Variants in CAPS2 observed in about 807,000 individuals in gnomAD.
The protein encoded by CAPS2 is calcyphosin-2.
Under a neutral mutation model 86.5 loss-of-function variants are expected in CAPS2, and 98 were observed. The ratio of observed to expected loss-of-function variants is 1.13; its 90% CI spans 0.96 to 1.34. The LOEUF (loss-of-function observed/expected upper bound fraction) is 1.34, where lower values mean the gene tolerates loss of function less well. Among genes scored for constraint, CAPS2 ranks in the 40% most tolerant of loss-of-function variants. The probability of loss-of-function intolerance (pLI) is 0.00; values close to 1 mark genes in which losing one functional copy is unlikely to be tolerated. For synonymous variants in CAPS2, 210 were observed against 225.1 expected, an observed-to-expected ratio of 0.93 and a Z score of 0.60; for missense variants, 729 against 686.8, an observed-to-expected ratio of 1.06 and a Z score of -0.69.
In CAPS2 at chr12:75,323,258, A is replaced by T. The variant is rs540150080; in HGVS notation, c.132-36T>A. ...TAATCTATGTATCCCGTAACTTTTT[A>T]ACATGAAACTTTAATAAATGCAAAT... On this transcript the variant is annotated intron_variant, in intron 2 of 16. Transcript: ENST00000393284. The T allele has an allele frequency of 7.2e-5, 107 of 1,490,940 alleles. No homozygotes were observed. The African/African-American group carries it at 1.2e-3, about 16-fold the overall frequency. 92.4% of individuals were successfully genotyped at this position (1,490,940 alleles called of 1,614,324 possible). A position where few individuals can be genotyped will look rare whatever the true frequency, so the allele number is the denominator to read the frequency against.
intron 1 of CAPS2, among the ~76,000 whole-genome samples, chr12:75,336,628 A>C (rs2041756109): frequency 6.6e-6 from 1 of 151,814 alleles, no homozygotes; most frequent in African/African-American, 2.4e-5. Flanking sequence ...AATACAAATA[A>C]ATGTAATAAT....
intron 1 of CAPS2, among the ~76,000 whole-genome samples, chr12:75,350,970 T>C (rs2042771452): frequency 6.6e-6 from 1 of 152,192 alleles, no homozygotes; most frequent in South Asian, 2.1e-4. Flanking sequence ...ACAGGAGCTG[T>C]TAACCAGAAT....
chr12:75,387,754 A>G (rs1341559684), intron 1 of CAPS2, among the ~76,000 whole-genome samples: 1 of 152,144 alleles, frequency 6.6e-6, no homozygotes, highest in African/African-American at 2.4e-5. Context: ...TTAATCTACG[A>G]ATGGATCAAT....
intron 13 of CAPS2, among the ~76,000 whole-genome samples, chr12:75,290,000 G>C (rs188001979): frequency 2.6e-5 from 4 of 152,302 alleles, no homozygotes; most frequent in African/African-American, 9.6e-5. Flanking sequence ...TAGCACCACT[G>C]TGTGGTGGAA....
At chr12:75,367,102 A>G in intron 1 of CAPS2, 2 of 691,106 alleles carry the variant, frequency 2.9e-6, no homozygotes, top group South Asian at 3.0e-5. Flanking sequence ...TTGGGGAGAA[A>G]ACGTAATGGA....
chr12:75,292,902 C>A (rs575140873), intron 12 of CAPS2, among the ~76,000 whole-genome samples: 2 of 150,830 alleles, frequency 1.3e-5, no homozygotes, highest in Non-Finnish European at 3.0e-5. Context: ...ATCATAATAA[C>A]AATGTGAAAA....
chr12:75,379,855 A>T (rs2044864158), intron 1 of CAPS2, among the ~76,000 whole-genome samples: 1 of 29,800 alleles, frequency 3.4e-5, no homozygotes, highest in Admixed American at 3.7e-4. Flanking sequence ...CCTATCAGTA[A>T]AAAAAAAAAA....
chr12:75,330,035 T>C (rs1284953045), upstream of CAPS2: 1 of 511,596 alleles, frequency 2.0e-6, no homozygotes, highest in Non-Finnish European at 3.4e-6. Flanking sequence ...CAGGACAGTC[T>C]AGACAGTCCA....
chr12:75,386,861 G>GAA (rs71438896), intron 1 of CAPS2, among the ~76,000 whole-genome samples: 2 of 149,858 alleles, frequency 1.3e-5, no homozygotes, highest in Admixed American at 6.7e-5. Flanking sequence ...CCATATACAA[G>GAA]AAAAAAAAAC....
chr12:75,372,042 G>A (rs2044391913), intron 1 of CAPS2, among the ~76,000 whole-genome samples: 2 of 152,030 alleles, frequency 1.3e-5, no homozygotes, highest in Admixed American at 6.5e-5. Flanking sequence ...TTTTTGAGAC[G>A]GAGTCTCTGT....
chr12:75,310,620 G>T (rs1303656207), intron 7 of CAPS2, among the ~76,000 whole-genome samples: 2 of 152,076 alleles, frequency 1.3e-5, no homozygotes, highest in Non-Finnish European at 2.9e-5. Flanking sequence ...TCCTTGCTAT[G>T]GCCTCATTAA....
intron 8 of CAPS2, among the ~76,000 whole-genome samples, chr12:75,304,367 T>G (rs1441243837): frequency 6.6e-6 from 1 of 152,182 alleles, no homozygotes; most frequent in African/African-American, 2.4e-5. Flanking sequence ...AATTCTAAGG[T>G]TGAAAAAGCT....
chr12:75,335,005 T>G, upstream of CAPS2: 1 of 1,144,048 alleles, frequency 8.7e-7, no homozygotes, highest in Non-Finnish European at 1.2e-6. Flanking sequence ...ATCCGGACTT[T>G]ACATATATGC....
intron 1 of CAPS2, chr12:75,371,324 T>G (rs776188315): frequency 3.5e-4 from 60 of 171,406 alleles, no homozygotes; most frequent in Non-Finnish European, 5.9e-4. Context: ...GCTGGAAGAT[T>G]CAGCAAGTCG....
At chr12:75,341,798 G>C (rs2042139937) in intron 1 of CAPS2, among the ~76,000 whole-genome samples, 1 of 134,428 alleles carries the variant, frequency 7.4e-6, no homozygotes, top group South Asian at 2.3e-4. Flanking sequence ...CACCCAGACT[G>C]GAGGGCAATG....
rs972303567 is a variant in CAPS2 at position 75,358,697 on chromosome 12, T to C, written c.-395+32141A>G. Among the ~76,000 whole-genome samples the C allele has an allele frequency of 4.8e-5, 7 of 146,456 alleles. No individual in the cohort carries two copies. The East Asian group carries it at 1.2e-3, about 25-fold the overall frequency. On this transcript the variant is annotated intron_variant, in intron 1 of 5. Coordinates refer to the CAPS2 transcript ENST00000551829. ...TGTTACATATTTGTGTTTCTTTTTGTTTTGCTTTTTTAAACCATATATATA... is the reference window on the plus strand; with the variant it reads ...TGTTACATATTTGTGTTTCTTTTTGCTTTGCTTTTTTAAACCATATATATA...
chr12:75,377,811 C>G (rs945156801), intron 1 of CAPS2, among the ~76,000 whole-genome samples: 3 of 150,084 alleles, frequency 2.0e-5, no homozygotes, highest in African/African-American at 7.4e-5. Flanking sequence ...CCAATCCAAT[C>G]AAGTTGATAC....
chr12:75,358,266 G>T (rs55856546), intron 1 of CAPS2, among the ~76,000 whole-genome samples: 8,220 of 151,668 alleles, frequency 0.054, 275 homozygotes, highest in African/African-American at 0.094. Flanking sequence ...AATTACACAG[G>T]AGAAATAAAG....
rs141840639 is a variant in CAPS2 at position 75,282,380 on chromosome 12, T to C, written c.1516-33A>G. 1.1e-3 allele frequency: 1,476 copies of C among 1,391,940 alleles called. 10 individuals are homozygous for C. The African/African-American group carries it at 0.017, about 16-fold the overall frequency. 86.2% of individuals were successfully genotyped at this position (1,391,940 alleles called of 1,614,324 possible). A position where few individuals can be genotyped will look rare whatever the true frequency, so the allele number is the denominator to read the frequency against. On this transcript the variant is annotated intron_variant, in intron 15 of 16. Transcript: ENST00000393284. ...GACAAATATTATTATTATTAGTTTG[T>C]TGGTTGGTTGTTTTGCTTTGCTTTG...
Sources: allele counts gnomAD v4.1 joint callset (sites outside exome capture counted in the v4.1 genomes callset), GRCh38; gene constraint gnomAD v4.1.1; transcripts MANE v1.5; gene names NCBI Gene and HGNC (gene_info 2026-07-23, HGNC 2026-07-21).